The following SPAG16 variants were observed in gnomAD, a reference collection of about 807,000 sequenced individuals.
The protein encoded by SPAG16 is sperm associated antigen 16.
Under a neutral mutation model 80.4 loss-of-function variants are expected in SPAG16, and 86 were observed. That is an observed-to-expected ratio of 1.07 (90% CI 0.90 to 1.28). SPAG16 has a LOEUF of 1.28. Among genes scored for constraint, SPAG16 ranks in the 50% most tolerant of loss-of-function variants. The probability of loss-of-function intolerance (pLI) is 0.00; values close to 1 mark genes in which losing one functional copy is unlikely to be tolerated. For missense variants in SPAG16, 870 were observed against 765.3 expected (o/e 1.14, Z -1.61); for synonymous variants, 294 against 265.9 (o/e 1.11, Z -1.03).
At chr2:213,464,436 T>G (rs1225099876) in intron 9 of SPAG16, among the ~76,000 whole-genome samples, 1 of 152,164 alleles carries the variant, frequency 6.6e-6, no homozygotes, top group Non-Finnish European at 1.5e-5. Context: ...ACAGCAACCT[T>G]GAATGAGAGG....
chr2:213,694,507 A>G (rs2065078807), intron 10 of SPAG16, among the ~76,000 whole-genome samples: 1 of 152,178 alleles, frequency 6.6e-6, no homozygotes, highest in Non-Finnish European at 1.5e-5. Context: ...GGTATAGCCA[A>G]AAAGTCACAA....
chr2:213,322,219 T>G (rs2063645008), intron 5 of SPAG16, among the ~76,000 whole-genome samples: 1 of 151,614 alleles, frequency 6.6e-6, no homozygotes, highest in Non-Finnish European at 1.5e-5. Context: ...AGATTTACTT[T>G]GGTCTGAAGT....
intron 13 of SPAG16, among the ~76,000 whole-genome samples, chr2:214,099,804 T>C (rs1477202613): frequency 6.6e-6 from 1 of 152,118 alleles, no homozygotes; most frequent in African/African-American, 2.4e-5. Context: ...ATGTTTTTAC[T>C]AAGAAGGGCA....
intron 11 of SPAG16, among the ~76,000 whole-genome samples, chr2:213,927,851 T>C (rs1257402272): frequency 6.6e-6 from 1 of 152,210 alleles, no homozygotes; most frequent in African/African-American, 2.4e-5. Context: ...ATGATACCCA[T>C]TGGAAAGATA....
intron 15 of SPAG16, among the ~76,000 whole-genome samples, chr2:214,253,500 C>A (rs1240346423): frequency 6.6e-6 from 1 of 152,028 alleles, no homozygotes; most frequent in Non-Finnish European, 1.5e-5. Context: ...AGAAACGGGT[C>A]CAGTTTCATT....
intron 12 of SPAG16, among the ~76,000 whole-genome samples, chr2:213,976,156 G>T (rs1036610730): frequency 8.9e-6 from 1 of 112,050 alleles, no homozygotes; most frequent in African/African-American, 4.0e-5. Flanking sequence ...ACACACACAC[G>T]TATGTATATA....
chr2:213,867,456 T>C (rs1184472714), intron 11 of SPAG16, among the ~76,000 whole-genome samples: 1 of 145,238 alleles, frequency 6.9e-6, no homozygotes, highest in Non-Finnish European at 1.5e-5. Flanking sequence ...TGCCAGTCTT[T>C]TCAGGTTTCT....
intron 12 of SPAG16, among the ~76,000 whole-genome samples, chr2:213,955,811 G>A (rs2044092168): frequency 6.6e-6 from 1 of 151,822 alleles, no homozygotes; most frequent in African/African-American, 2.4e-5. Context: ...TATAATCATT[G>A]TTATTTCTGT....
chr2:213,660,362 T>C (rs1913899), intron 10 of SPAG16, among the ~76,000 whole-genome samples: 62,516 of 151,142 alleles, frequency 0.41, 13,844 homozygotes, highest in African/African-American at 0.56. Context: ...CTCTGCCTCC[T>C]GGGTGCAAGC....
chr2:213,676,515 G>T (rs1434441329), intron 10 of SPAG16, among the ~76,000 whole-genome samples: 1 of 151,710 alleles, frequency 6.6e-6, no homozygotes, highest in African/African-American at 2.4e-5. Flanking sequence ...TATTGGCTGT[G>T]GGTTTGTCAT....
intron 10 of SPAG16, among the ~76,000 whole-genome samples, chr2:213,836,232 A>G (rs1315303733): frequency 7.3e-6 from 1 of 137,192 alleles, no homozygotes; most frequent in Admixed American, 7.3e-5. Context: ...TGGATATCAG[A>G]TGTTATAATT....
intron 12 of SPAG16, among the ~76,000 whole-genome samples, chr2:213,968,129 TTCTCTCTG>T (rs1028385265): frequency 1.3e-5 from 2 of 151,114 alleles, no homozygotes; most frequent in African/African-American, 2.4e-5. Context: ...CCCTCTCTCT[TTCTCTCTG>T]TCTCTCTTCT....
At chr2:213,742,766 T>C (rs895622700) in intron 10 of SPAG16, among the ~76,000 whole-genome samples, 1 of 151,548 alleles carries the variant, frequency 6.6e-6, no homozygotes, top group Non-Finnish European at 1.5e-5. Flanking sequence ...TTGGCCAGGC[T>C]GGTCCTGAAC....
At chr2:213,592,157 A>G (rs1386340218) in intron 10 of SPAG16, among the ~76,000 whole-genome samples, 3 of 152,246 alleles carry the variant, frequency 2.0e-5, no homozygotes, top group Non-Finnish European at 4.4e-5. Context: ...AAAACAAAAG[A>G]AGACCTCTAA....
At chr2:213,884,421 C>G (rs1163710355) in intron 11 of SPAG16, among the ~76,000 whole-genome samples, 4 of 152,088 alleles carry the variant, frequency 2.6e-5, no homozygotes, top group Non-Finnish European at 5.9e-5. Flanking sequence ...CTCTAGCTGC[C>G]TTTAAGATGT....
chr2:213,705,428 A>C (rs2065704450), intron 10 of SPAG16, among the ~76,000 whole-genome samples: 1 of 152,000 alleles, frequency 6.6e-6, no homozygotes, highest in African/African-American at 2.4e-5. Context: ...TGGTTGCTAA[A>C]GTGGTTTTTT....
At chr2:213,685,504 G>T (rs1165879834) in intron 10 of SPAG16, among the ~76,000 whole-genome samples, 1 of 152,224 alleles carries the variant, frequency 6.6e-6, no homozygotes, top group Non-Finnish European at 1.5e-5. Context: ...GCCTCCAGAA[G>T]TGTGGCACAA....
At chr2:213,637,723 G>C (rs11677418) in intron 10 of SPAG16, among the ~76,000 whole-genome samples, 5 of 152,016 alleles carry the variant, frequency 3.3e-5, no homozygotes, top group Non-Finnish European at 5.9e-5. Flanking sequence ...TCTAGTTTGT[G>C]CATTTAAATG....
intron 15 of SPAG16, among the ~76,000 whole-genome samples, chr2:214,392,150 T>G (rs1701117397): frequency 6.6e-6 from 1 of 152,040 alleles, no homozygotes. Context: ...AGCTTGCCAC[T>G]CAGTCTCAGA....
Sources: gnomAD v4.1 joint callset for allele counts (sites outside exome capture counted in the v4.1 genomes callset) on GRCh38, gnomAD v4.1.1 for gene constraint, MANE v1.5 for transcripts, NCBI Gene and HGNC (gene_info 2026-07-23, HGNC 2026-07-21) for gene names.